Variants in SFMBT2 observed in about 807,000 individuals in gnomAD.
SFMBT2 encodes scm-like with four MBT domains protein 2.
SFMBT2 carries 38 observed loss-of-function variants against 110.1 expected under a neutral mutation model. That is an observed-to-expected ratio of 0.35 (90% CI 0.27 to 0.45). The LOEUF is 0.45. Ranked by LOEUF, SFMBT2 falls within the 20% of genes least tolerant of loss-of-function variation. The pLI, the probability that SFMBT2 is intolerant of heterozygous loss-of-function variation, is 1.00. For missense variants in SFMBT2, 1,011 were observed against 1,094.9 expected (o/e 0.92, Z 1.08); for synonymous variants, 425 against 425.4 (o/e 1.00, Z 0.01).
At chr10:7,210,977 T>C (rs1405543082) in intron 11 of SFMBT2, among the ~76,000 whole-genome samples, 1 of 152,016 alleles carries the variant, frequency 6.6e-6, no homozygotes, top group East Asian at 1.9e-4. Flanking sequence ...ACACAGTGCT[T>C]ACTCCATTCC....
At chr10:7,388,232 T>G (rs1845669169) in intron 1 of SFMBT2, among the ~76,000 whole-genome samples, 1 of 151,788 alleles carries the variant, frequency 6.6e-6, no homozygotes, top group South Asian at 2.1e-4. Context: ...CAATGGAGTT[T>G]TTTTTTTTTT....
intron 4 of SFMBT2, among the ~76,000 whole-genome samples, chr10:7,311,016 T>C (rs6602237): frequency 0.69 from 99,427 of 144,530 alleles, 33,924 homozygotes; most frequent in Admixed American, 0.71. Context: ...TATTGCACTC[T>C]AGCCTAGGCA....
Position 7,197,676 on chromosome 10 carries a change from C to G in SFMBT2, c.1570G>C (p.Gly524Arg). 1 of 1,613,980 alleles carries G rather than the reference C, an allele frequency of 6.2e-7. No homozygotes were observed. Among genetic ancestry groups the G allele is most frequent in the Non-Finnish European group, 8.5e-7 (1 of 1,179,970 alleles). Reference protein sequence around the residue: ...PHLDTTGTVNGKYCCPQLFIN... With the variant: ...PHLDTTGTVNRKYCCPQLFIN... ...AAGAGCTGAGGACAGCAGTATTTCC[C>G]GTTGACGGTTCCTGCAGGGGACAGC... is the stretch of plus-strand genomic sequence containing the variant. Residue 524 changes from glycine (G) to arginine (R), a missense_variant, in exon 15 of 21, where the codon GGG becomes CGG. By Grantham distance (125) the Gly-to-Arg change is moderately radical. This residue lies in a region of SFMBT2 where 979 missense variants were observed against 1,016.1 expected (regional missense o/e 0.96). Transcript: ENST00000397167.
At chr10:7,230,195 A>T (rs1840075080) in intron 9 of SFMBT2, among the ~76,000 whole-genome samples, 1 of 152,054 alleles carries the variant, frequency 6.6e-6, no homozygotes, top group South Asian at 2.1e-4. Context: ...AATTCTTTCC[A>T]GCCACTTTCA....
chr10:7,359,238 C>T (rs1264333495), intron 4 of SFMBT2, among the ~76,000 whole-genome samples: 2 of 152,214 alleles, frequency 1.3e-5, no homozygotes, highest in African/African-American at 4.8e-5. Context: ...CAAAGGTCCA[C>T]CCAGAGCAGG....
chr10:7,280,920 C>G (rs1304671950), intron 6 of SFMBT2, among the ~76,000 whole-genome samples: 2 of 152,148 alleles, frequency 1.3e-5, no homozygotes, highest in East Asian at 3.8e-4. Flanking sequence ...TTTTGCTGAA[C>G]AGTTGAGAAA....
At chr10:7,334,280 C>G (rs1843651120) in intron 4 of SFMBT2, among the ~76,000 whole-genome samples, 1 of 152,172 alleles carries the variant, frequency 6.6e-6, no homozygotes. Context: ...AGGCCACCCC[C>G]TCCACCTTCC....
intron 4 of SFMBT2, chr10:7,292,234 G>C (rs113271065): frequency 0.012 from 2,857 of 244,042 alleles, 74 homozygotes; most frequent in African/African-American, 0.062. Flanking sequence ...TGACTTCTCA[G>C]GGGAAGCCTT....
chr10:7,320,803 C>T (rs1195309840), intron 4 of SFMBT2, among the ~76,000 whole-genome samples: 1 of 152,170 alleles, frequency 6.6e-6, no homozygotes. Context: ...ATTCCAAATG[C>T]CATTTTTCAC....
chr10:7,385,726 A>G (rs577042211), intron 1 of SFMBT2, among the ~76,000 whole-genome samples: 74 of 152,270 alleles, frequency 4.9e-4, no homozygotes, highest in African/African-American at 1.4e-3. Flanking sequence ...CTGGCCAGGC[A>G]CAGTGGCTCA....
chr10:7,393,060 T>G (rs1845826266), intron 1 of SFMBT2, among the ~76,000 whole-genome samples: 1 of 137,702 alleles, frequency 7.3e-6, no homozygotes, highest in African/African-American at 2.7e-5. Context: ...GAGACAAGAG[T>G]CTTGCTCCGT....
At chr10:7,244,728 T>G (rs190046021) in intron 8 of SFMBT2, among the ~76,000 whole-genome samples, 4 of 152,334 alleles carry the variant, frequency 2.6e-5, no homozygotes, top group Admixed American at 2.6e-4. Flanking sequence ...CTTGAGAGTT[T>G]TACAAAGCTA....
chr10:7,353,593 A>G (rs1196153845), intron 4 of SFMBT2, among the ~76,000 whole-genome samples: 1 of 152,022 alleles, frequency 6.6e-6, no homozygotes, highest in Non-Finnish European at 1.5e-5. Context: ...TATACCCCCC[A>G]TACAAGAATC....
chr10:7,358,122 TC>T (rs1844579815), intron 4 of SFMBT2, among the ~76,000 whole-genome samples: 1 of 35,306 alleles, frequency 2.8e-5, no homozygotes, highest in South Asian at 8.3e-4. Flanking sequence ...CCCTAGAACA[TC>T]TGCATGGCCC....
At position 7,367,923 on chromosome 10, in the gene SFMBT2, T is replaced by C. The variant is rs762375759; in HGVS notation, c.196-34A>G. 1.4e-5 allele frequency: 23 copies of C among 1,606,976 alleles called. No individual in the cohort carries two copies. The highest frequency in any genetic ancestry group is 3.4e-4 in the Middle Eastern group (2 of 5,810). On this transcript the variant is annotated intron_variant, in intron 3 of 20. Coordinates refer to ENST00000397167, the MANE Select transcript of SFMBT2 (RefSeq NM_001387889.1). This position sits in a 1 kb window ranked among gnomAD's most constrained non-coding sequence, Gnocchi z 6.2. ...ATCAGAAATAGAGAAAACCCATTACTACACTAGACACAATACATCCAGAAG... is the reference window on the plus strand; with the variant it reads ...ATCAGAAATAGAGAAAACCCATTACCACACTAGACACAATACATCCAGAAG...
chr10:7,191,739 G>A (rs944004742), intron 15 of SFMBT2, among the ~76,000 whole-genome samples: 2 of 152,146 alleles, frequency 1.3e-5, no homozygotes, highest in Non-Finnish European at 2.9e-5. Context: ...ACTTCATTCT[G>A]TTTGCTGCTG....
At chr10:7,292,982 G>A (rs1307468503) in intron 4 of SFMBT2, among the ~76,000 whole-genome samples, 7 of 151,728 alleles carry the variant, frequency 4.6e-5, no homozygotes, top group South Asian at 2.1e-4. Flanking sequence ...GCAAGGCTCC[G>A]TCTCAAAAAA....
chr10:7,315,118 G>GAAAGAAAGAAAGAAAGAAAGAA (rs1564435740), intron 4 of SFMBT2, among the ~76,000 whole-genome samples: 9 of 140,686 alleles, frequency 6.4e-5, no homozygotes, highest in African/African-American at 2.4e-4. Flanking sequence ...GAAAAAGCAA[G>GAAAGAAAGAAAGAAAGAAAGAA]CAAGCAAGCC....
intron 15 of SFMBT2, among the ~76,000 whole-genome samples, chr10:7,190,555 A>G (rs1191962681): frequency 6.6e-6 from 1 of 152,202 alleles, no homozygotes; most frequent in African/African-American, 2.4e-5. Flanking sequence ...TCCAAATTCA[A>G]CAAGCTCTCT....
Sources: allele counts gnomAD v4.1 joint callset (sites outside exome capture counted in the v4.1 genomes callset), GRCh38; gene constraint gnomAD v4.1.1; regional missense constraint gnomAD v4.1.1; non-coding constraint Gnocchi (gnomAD v3.1); transcripts MANE v1.5; gene names NCBI Gene and HGNC (gene_info 2026-07-23, HGNC 2026-07-21).